Variants in ITGA11 observed in about 807,000 individuals in gnomAD.
ITGA11 encodes the protein integrin subunit alpha 11.
Under a neutral mutation model 141.9 loss-of-function variants are expected in ITGA11, and 97 were observed. That is an observed-to-expected ratio of 0.68 (90% CI 0.58 to 0.81). The LOEUF (loss-of-function observed/expected upper bound fraction) is 0.81. ITGA11 is among the 30% of genes least tolerant of loss of function. The pLI, the probability that ITGA11 is intolerant of heterozygous loss-of-function variation, is 0.00. For synonymous variants in ITGA11, 658 were observed against 624.6 expected (o/e 1.05, Z -0.80); for missense variants, 1,387 against 1,559.2 (o/e 0.89, Z 1.86).
intron 2 of ITGA11, among the ~76,000 whole-genome samples, chr15:68,390,202 C>G (rs1186788495): frequency 6.6e-6 from 1 of 152,132 alleles, no homozygotes; most frequent in African/African-American, 2.4e-5. Flanking sequence ...AGTTTGAGCT[C>G]TGAGTTGTGA....
At chr15:68,313,371 C>A (rs1248707702) in intron 23 of ITGA11, among the ~76,000 whole-genome samples, 2 of 152,130 alleles carry the variant, frequency 1.3e-5, no homozygotes, top group African/African-American at 4.8e-5. Context: ...AGAGTCTTTT[C>A]CCACTGACAT....
At chr15:68,309,378 T>C (rs1893305258) in intron 26 of ITGA11, among the ~76,000 whole-genome samples, 1 of 152,152 alleles carries the variant, frequency 6.6e-6, no homozygotes, top group Admixed American at 6.5e-5. Context: ...AGACTCCTTC[T>C]CCACCATGAC....
At chr15:68,430,991 G>C (rs1307266090) in intron 1 of ITGA11, among the ~76,000 whole-genome samples, 10 of 152,226 alleles carry the variant, frequency 6.6e-5, no homozygotes, top group Admixed American at 6.5e-4. Flanking sequence ...GCCCCAGCTC[G>C]GGCCTGGAGC....
intron 1 of ITGA11, among the ~76,000 whole-genome samples, chr15:68,423,066 TTAAA>T (rs1897056759): frequency 6.6e-6 from 1 of 152,208 alleles, no homozygotes; most frequent in South Asian, 2.1e-4. Flanking sequence ...TACCCTGCCC[TTAAA>T]TAGCTTTCCA....
rs888000133 is a variant in ITGA11, at chr15:68,304,436, T to G, written c.3382-551A>C. Among the ~76,000 whole-genome samples, 1 of 152,218 alleles carries G rather than the reference T, an allele frequency of 6.6e-6. No individual in the cohort carries two copies. The highest frequency in any genetic ancestry group is 1.5e-5 in the Non-Finnish European group (1 of 68,034). Reference sequence around the variant, plus strand: ...CAGCTTGGATAACATTTTTTAATCTTTGTATCAACATGGTTATAAACCATA... The same window carrying G: ...CAGCTTGGATAACATTTTTTAATCTGTGTATCAACATGGTTATAAACCATA... On this transcript the variant is annotated intron_variant, in intron 28 of 29. Coordinates refer to ENST00000315757, the MANE Select transcript of ITGA11 (RefSeq NM_001004439.2). This position sits in a 1 kb window ranked among gnomAD's most constrained non-coding sequence, Gnocchi z 6.1.
intron 28 of ITGA11, among the ~76,000 whole-genome samples, chr15:68,306,095 C>T (rs1342082427): frequency 4.7e-5 from 7 of 148,390 alleles, no homozygotes; most frequent in Non-Finnish European, 1.0e-4. Context: ...GAGGCTGAGG[C>T]AGGAGAATGG....
intron 1 of ITGA11, among the ~76,000 whole-genome samples, chr15:68,416,483 A>G (rs1896889355): frequency 6.6e-6 from 1 of 152,226 alleles, no homozygotes; most frequent in Admixed American, 6.5e-5. Context: ...TGGGCTGGTT[A>G]AGCAGATGTC....
rs1895246919 is a variant in ITGA11, at chr15:68,361,647, A to C, written c.415T>G (p.Cys139Gly). 2 of 1,610,902 alleles carry C rather than the reference A, an allele frequency of 1.2e-6. No individual in the cohort carries two copies. Among genetic ancestry groups the C allele is most frequent in the Non-Finnish European group, 1.7e-6 (2 of 1,178,622 alleles). The change falls in exon 5 of 30, where the codon TGT (cysteine) becomes GGT (glycine). Residue 139 changes from cysteine to glycine, a missense_variant. Coordinates refer to ENST00000315757, the MANE Select transcript of ITGA11 (RefSeq NM_001004439.2). Reference protein sequence around the residue: ...CGSSYYTTGMCSRVNSNFRFS... With the variant: ...CGSSYYTTGMGSRVNSNFRFS... ...CTGAAGTTGGAGTTGACTCTTGAAC[A>C]CATCCCTGTGGTGTAGTAGGAGCTC... is the stretch of plus-strand genomic sequence containing the variant.
At chr15:68,431,175 G>A (rs1897261300) in intron 1 of ITGA11, among the ~76,000 whole-genome samples, 1 of 152,216 alleles carries the variant, frequency 6.6e-6, no homozygotes, top group South Asian at 2.1e-4. Context: ...GGTACCCTAG[G>A]GCGGAGAGCT....
At chr15:68,347,100 G>T (rs1894765220) in intron 10 of ITGA11, among the ~76,000 whole-genome samples, 1 of 152,194 alleles carries the variant, frequency 6.6e-6, no homozygotes, top group Admixed American at 6.5e-5. Context: ...TAATTAAATT[G>T]CATTTCCTTG....
Position 68,305,982 on chromosome 15 carries a change from C to T in ITGA11, c.3381+1366G>A, listed in dbSNP as rs888787961. Among the ~76,000 whole-genome samples, 12 of 148,754 alleles carry T rather than the reference C, an allele frequency of 8.1e-5. No homozygotes were observed. Among genetic ancestry groups the T allele is most frequent in the Non-Finnish European group, 1.5e-4 (10 of 67,510 alleles). ...CGGGCAGATCATGAGGTCAGGAGAT[C>T]GAGACCATCCTGGCTAACACAGTGA... On this transcript the variant is annotated intron_variant, in intron 28 of 29. Coordinates refer to ENST00000315757, the MANE Select transcript of ITGA11 (RefSeq NM_001004439.2). The surrounding 1 kb of genome is among the most constrained non-coding windows in gnomAD (Gnocchi z 4.6).
intron 9 of ITGA11, 82 bp from the exon 10 acceptor site, chr15:68,348,982 C>A: frequency 7.9e-7 from 1 of 1,258,180 alleles, no homozygotes; most frequent in South Asian, 1.3e-5. Flanking sequence ...CCCACAGCTC[C>A]TGCTTCCTGG....
chr15:68,362,043 C>T (rs1355944195), intron 4 of ITGA11: 3 of 248,942 alleles, frequency 1.2e-5, no homozygotes, highest in African/African-American at 6.8e-5. Context: ...TCTGGGGAAG[C>T]CTTTTCACCC....
chr15:68,358,311 GC>G (rs1895131777), intron 6 of ITGA11, 146 bp downstream of exon 6: 2 of 753,416 alleles, frequency 2.7e-6, no homozygotes, highest in Admixed American at 3.3e-5. Flanking sequence ...GAGCTGCAGT[GC>G]CCCAGTGCTG....
chr15:68,303,749 C>A lies in ITGA11; in HGVS notation c.3495+23G>T. 2 of 1,536,742 alleles carry A rather than the reference C, an allele frequency of 1.3e-6. No homozygotes were observed. Among genetic ancestry groups the A allele is most frequent in the Non-Finnish European group, 1.8e-6 (2 of 1,113,772 alleles). On this transcript the variant is annotated intron_variant, in intron 29 of 29. Transcript: ENST00000315757. The surrounding 1 kb of genome is among the most constrained non-coding windows in gnomAD (Gnocchi z 5.3). The stretch of plus-strand genomic sequence containing the variant: ...CCCACCAGCCAGGATGCTGCTCCTT[C>A]CCTCCCCTGCCAGGGCCCTCACCTT...
chr15:68,402,050 G>T (rs1314482749), intron 2 of ITGA11, among the ~76,000 whole-genome samples: 1 of 130,432 alleles, frequency 7.7e-6, no homozygotes, highest in Non-Finnish European at 1.6e-5. Context: ...GGGGTGCGGG[G>T]AGCACAAGAA....
intron 2 of ITGA11, among the ~76,000 whole-genome samples, chr15:68,388,855 G>A (rs966098465): frequency 1.3e-5 from 2 of 152,046 alleles, no homozygotes; most frequent in African/African-American, 4.8e-5. Context: ...ACCTCCAGTG[G>A]CTCCCTATTG....
At chr15:68,427,806 G>C (rs1032620391) in intron 1 of ITGA11, among the ~76,000 whole-genome samples, 7 of 152,116 alleles carry the variant, frequency 4.6e-5, no homozygotes, top group African/African-American at 1.7e-4. Flanking sequence ...CCTATAGAAA[G>C]CACTCCATGC....
chr15:68,373,855 A>C (rs1179530999), intron 2 of ITGA11, among the ~76,000 whole-genome samples: 1 of 152,184 alleles, frequency 6.6e-6, no homozygotes, highest in African/African-American at 2.4e-5. Context: ...TGAGAGAAGC[A>C]TGAAGAGAAG....
Sources: gnomAD v4.1 joint callset for allele counts (sites outside exome capture counted in the v4.1 genomes callset) on GRCh38, gnomAD v4.1.1 for gene constraint, Gnocchi (gnomAD v3.1) non-coding constraint, MANE v1.5 for transcripts, NCBI Gene and HGNC (gene_info 2026-07-23, HGNC 2026-07-21) for gene names.